TTBK2: variants seen among roughly 807,000 people sequenced by gnomAD.
TTBK2 encodes the protein tau-tubulin kinase 2.
Under a neutral mutation model 110.8 loss-of-function variants are expected in TTBK2, and 28 were observed. The ratio of observed to expected loss-of-function variants is 0.25; its 90% CI spans 0.19 to 0.35. TTBK2 has a LOEUF of 0.35. TTBK2 is among the 10% of genes least tolerant of loss of function. The probability of loss-of-function intolerance (pLI) is 1.00; values close to 1 mark genes in which losing one functional copy is unlikely to be tolerated. For missense variants in TTBK2, 1,369 were observed against 1,500.3 expected, an observed-to-expected ratio of 0.91 and a Z score of 1.45; for synonymous variants, 532 against 527.3, an observed-to-expected ratio of 1.01 and a Z score of -0.12.
At chr15:42,763,165 T>TAC (rs1567008852) in intron 13 of TTBK2, among the ~76,000 whole-genome samples, 15 of 12,768 alleles carry the variant, frequency 1.2e-3, no homozygotes, top group African/African-American at 5.2e-3. Flanking sequence ...TACATATATA[T>TAC]ATATATATAT....
At chr15:42,781,952 T>C (rs779035333) in intron 11 of TTBK2, among the ~76,000 whole-genome samples, 1 of 152,168 alleles carries the variant, frequency 6.6e-6, no homozygotes, top group Admixed American at 6.6e-5. Flanking sequence ...ATATATGAAA[T>C]CTTTTATATA....
chr15:42,863,373 G>C (rs1445092647), intron 3 of TTBK2, among the ~76,000 whole-genome samples: 1 of 152,038 alleles, frequency 6.6e-6, no homozygotes, highest in African/African-American at 2.4e-5. Flanking sequence ...TAAGCCAGGA[G>C]GTAAAAGATC....
At chr15:42,802,006 A>T (rs1239759763) in intron 9 of TTBK2, 2 of 1,509,718 alleles carry the variant, frequency 1.3e-6, no homozygotes, top group Non-Finnish European at 1.8e-6. Flanking sequence ...CATGTTGTCC[A>T]TGTTGCTCCG....
At chr15:42,915,519 T>C (rs1320402019) in intron 1 of TTBK2, among the ~76,000 whole-genome samples, 2 of 152,192 alleles carry the variant, frequency 1.3e-5, no homozygotes, top group Non-Finnish European at 2.9e-5. Context: ...AAAAGCATAA[T>C]TATCTATAGG....
chr15:42,795,804 CTG>C (rs1232419086), intron 9 of TTBK2, among the ~76,000 whole-genome samples: 2 of 143,234 alleles, frequency 1.4e-5, no homozygotes, highest in African/African-American at 5.3e-5. Flanking sequence ...GATCGTGTCA[CTG>C]TACTCCAACC....
chr15:42,751,824 C>T (rs1212498586), intron 14 of TTBK2, 150 bp downstream of exon 14: 1 of 889,578 alleles, frequency 1.1e-6, no homozygotes, highest in Non-Finnish European at 1.8e-6. Context: ...CTGATTACTT[C>T]TACTGCACTA....
chr15:42,892,480 G>A (rs1895496240), intron 1 of TTBK2, among the ~76,000 whole-genome samples: 1 of 152,040 alleles, frequency 6.6e-6, no homozygotes, highest in Non-Finnish European at 1.5e-5. Flanking sequence ...GCCGAGGCAG[G>A]TGGATTGATT....
At chr15:42,768,402 A>C (rs1889491370) in intron 13 of TTBK2, among the ~76,000 whole-genome samples, 1 of 152,252 alleles carries the variant, frequency 6.6e-6, no homozygotes, top group South Asian at 2.1e-4. Context: ...GCTGATAAGC[A>C]ACTTCAGCAA....
At chr15:42,790,409 G>A (rs774948404) in intron 10 of TTBK2, among the ~76,000 whole-genome samples, 214 of 151,100 alleles carry the variant, frequency 1.4e-3, no homozygotes, top group Non-Finnish European at 4.4e-4. Context: ...CTCAGCCTTC[G>A]GAGTAGCTGG....
chr15:42,853,263 TA>T (rs202181236), intron 3 of TTBK2, among the ~76,000 whole-genome samples: 40 of 145,938 alleles, frequency 2.7e-4, no homozygotes, highest in Admixed American at 6.2e-4. Flanking sequence ...TATTTCAGGG[TA>T]AAAAAAAAAA....
At chr15:42,775,965 C>T (rs1333888261) in intron 12 of TTBK2, among the ~76,000 whole-genome samples, 1 of 152,160 alleles carries the variant, frequency 6.6e-6, no homozygotes, top group Non-Finnish European at 1.5e-5. Context: ...GTCAAACCAA[C>T]TTTTTATTGA....
At chr15:42,816,085 A>AATAAATAAATATAT (rs1397691949) in intron 7 of TTBK2, among the ~76,000 whole-genome samples, 3 of 67,470 alleles carry the variant, frequency 4.4e-5, no homozygotes, top group Admixed American at 2.2e-4. Context: ...TAAATAAATA[A>AATAAATAAATATAT]ATATATATAT....
intron 1 of TTBK2, among the ~76,000 whole-genome samples, chr15:42,918,939 A>T (rs1403527066): frequency 6.6e-6 from 1 of 152,192 alleles, no homozygotes; most frequent in Non-Finnish European, 1.5e-5. Context: ...ATTTGCATCA[A>T]CTTGATATTA....
intron 9 of TTBK2, chr15:42,801,338 G>A (rs1477788706): frequency 6.3e-6 from 10 of 1,581,402 alleles, no homozygotes; most frequent in Non-Finnish European, 8.7e-6. Flanking sequence ...CTAGCTGCAG[G>A]GCGGCCTCCA....
At chr15:42,821,522 C>T (rs1322732313) in intron 6 of TTBK2, among the ~76,000 whole-genome samples, 1 of 152,138 alleles carries the variant, frequency 6.6e-6, no homozygotes, top group Non-Finnish European at 1.5e-5. Flanking sequence ...ATATTTCCAT[C>T]ACTCCAGTAA....
chr15:42,817,152 A>G, intron 6 of TTBK2, 55 bp from the exon 7 acceptor site: 1 of 1,483,266 alleles, frequency 6.7e-7, no homozygotes, highest in Non-Finnish European at 9.3e-7. Context: ...CAATACATTC[A>G]GCACACTTGA....
At chr15:42,831,161 A>G (rs1170263668) in intron 4 of TTBK2, among the ~76,000 whole-genome samples, 1 of 152,038 alleles carries the variant, frequency 6.6e-6, no homozygotes, top group African/African-American at 2.4e-5. Flanking sequence ...TTTCCTCATA[A>G]AAACAAGCTA....
chr15:42,843,758 CAAAAAAAAAAA>C (rs57403388), intron 3 of TTBK2, among the ~76,000 whole-genome samples: 18 of 71,670 alleles, frequency 2.5e-4, no homozygotes, highest in South Asian at 3.9e-4. Context: ...GACTTGGTCT[CAAAAAAAAAAA>C]AAAAAAAAAA....
At chr15:42,857,061 A>G (rs1332387344) in intron 3 of TTBK2, among the ~76,000 whole-genome samples, 1 of 147,482 alleles carries the variant, frequency 6.8e-6, no homozygotes, top group Admixed American at 6.6e-5. Context: ...ACTCTGTCTC[A>G]CAAAAAAAAA....
Sources: allele counts gnomAD v4.1 joint callset (sites outside exome capture counted in the v4.1 genomes callset), GRCh38; gene constraint gnomAD v4.1.1; transcripts MANE v1.5; gene names NCBI Gene and HGNC (gene_info 2026-07-23, HGNC 2026-07-21).